Variants in GMDS observed in about 807,000 individuals in gnomAD.
GMDS encodes GDP-mannose 4,6-dehydratase, also known as GDP-mannose 4,6 dehydratase.
Under a neutral mutation model 49.9 loss-of-function variants are expected in GMDS, and 20 were observed. The ratio of observed to expected loss-of-function variants is 0.40; its 90% CI spans 0.28 to 0.58. GMDS has a LOEUF of 0.58. GMDS is among the 20% of genes least tolerant of loss of function. GMDS has a pLI of 0.42. For synonymous variants in GMDS, 177 were observed against 178.6 expected (o/e 0.99, Z 0.07); for missense variants, 362 against 481.4 (o/e 0.75, Z 2.32).
chr6:1,989,270 C>T (rs1765771275), intron 4 of GMDS, among the ~76,000 whole-genome samples: 1 of 152,096 alleles, frequency 6.6e-6, no homozygotes, highest in Admixed American at 6.5e-5. Context: ...TGGGCATACT[C>T]TTGGTGTGAG....
intron 3 of GMDS, among the ~76,000 whole-genome samples, chr6:2,116,468 C>T (rs1194152737): frequency 6.6e-6 from 1 of 152,198 alleles, no homozygotes; most frequent in Admixed American, 6.5e-5. Flanking sequence ...GATGTACTAA[C>T]TTGATCTTTT....
chr6:1,642,189 TAG>T (rs1763352470), intron 9 of GMDS, among the ~76,000 whole-genome samples: 1 of 121,564 alleles, frequency 8.2e-6, no homozygotes. Context: ...AAGAAAAAAA[TAG>T]AGTCTCACTC....
intron 1 of GMDS, among the ~76,000 whole-genome samples, chr6:2,206,010 G>C (rs1187833092): frequency 6.6e-6 from 1 of 152,096 alleles, no homozygotes; most frequent in Non-Finnish European, 1.5e-5. Context: ...TGTAATCTCA[G>C]CGCTTTGGGA....
chr6:1,654,386 G>A (rs1763806124), intron 9 of GMDS, among the ~76,000 whole-genome samples: 1 of 152,146 alleles, frequency 6.6e-6, no homozygotes, highest in Non-Finnish European at 1.5e-5. Context: ...TTAATGAATC[G>A]ACAGACTGTG....
intron 4 of GMDS, among the ~76,000 whole-genome samples, chr6:2,016,506 TG>T (rs1172096512): frequency 4.6e-5 from 7 of 152,196 alleles, no homozygotes; most frequent in African/African-American, 1.7e-4. Context: ...GAACTATTAT[TG>T]GATATTTCAA....
chr6:1,800,683 T>C (rs1769914830), intron 7 of GMDS, among the ~76,000 whole-genome samples: 1 of 151,966 alleles, frequency 6.6e-6, no homozygotes, highest in Non-Finnish European at 1.5e-5. Flanking sequence ...AGGCTGGTCT[T>C]GAACTCCTGA....
At chr6:2,183,996 C>A (rs1400333940) in intron 1 of GMDS, among the ~76,000 whole-genome samples, 1 of 152,080 alleles carries the variant, frequency 6.6e-6, no homozygotes, top group East Asian at 1.9e-4. Context: ...CTTATATATG[C>A]ATAAGTTATA....
At chr6:2,243,250 G>A (rs552804281) in intron 1 of GMDS, among the ~76,000 whole-genome samples, 1 of 152,192 alleles carries the variant, frequency 6.6e-6, no homozygotes, top group Non-Finnish European at 1.5e-5. Context: ...AGACTCCCAT[G>A]ACAGGCTGCA....
At chr6:2,182,830 C>T (rs528028001) in intron 1 of GMDS, among the ~76,000 whole-genome samples, 12 of 152,224 alleles carry the variant, frequency 7.9e-5, no homozygotes, top group East Asian at 1.9e-4. Flanking sequence ...CTCAGCTTCC[C>T]GAGTAACTGG....
rs1050006388 is a variant in GMDS at position 1,703,469 on chromosome 6, A to ACC, written c.987+22946_987+22947insGG. On this transcript the variant is annotated intron_variant, in intron 9 of 10. Coordinates refer to ENST00000380815, the MANE Select transcript of GMDS (RefSeq NM_001500.4). ...CAGCTAGTTAGAGACTTGCATTCAA[A>ACC]AGAAAAAAAAAAAACTTAAAGTTGC... Among the ~76,000 whole-genome samples the ACC allele has an allele frequency of 5.5e-5, 8 of 146,600 alleles. No homozygotes were observed. In the South Asian group the frequency reaches 1.7e-3, roughly 31 times the overall value.
At chr6:1,885,816 T>G (rs1279861503) in intron 7 of GMDS, among the ~76,000 whole-genome samples, 3 of 152,214 alleles carry the variant, frequency 2.0e-5, no homozygotes, top group Non-Finnish European at 4.4e-5. Context: ...GATACCATGC[T>G]GCATCCAGCC....
chr6:2,007,391 C>T (rs1232600519), intron 4 of GMDS, among the ~76,000 whole-genome samples: 1 of 152,176 alleles, frequency 6.6e-6, no homozygotes, highest in Non-Finnish European at 1.5e-5. Flanking sequence ...ACATGCCACT[C>T]TTTCACAATT....
Position 2,128,570 on chromosome 6 carries a change from T to C in GMDS, c.103-3839A>G, listed in dbSNP as rs188751215. On this transcript the variant is annotated intron_variant, in intron 1 of 10. Coordinates refer to ENST00000380815, the MANE Select transcript of GMDS (RefSeq NM_001500.4). ...CCAACTTTTCTAATATCACACTAGT[T>C]ACAGACAAAGCCAGGACTAGAATCC... 1.6e-4 allele frequency among the ~76,000 whole-genome samples: 25 copies of C among 152,244 alleles called. 1 individual carries two copies. Among genetic ancestry groups the C allele is most frequent in the Admixed American group, 1.3e-3 (20 of 15,288 alleles).
At chr6:2,094,155 G>C (rs1457856107) in intron 4 of GMDS, among the ~76,000 whole-genome samples, 1 of 152,212 alleles carries the variant, frequency 6.6e-6, no homozygotes, top group Non-Finnish European at 1.5e-5. Context: ...TCACAAGACT[G>C]TCCTGTGCAC....
intron 9 of GMDS, among the ~76,000 whole-genome samples, chr6:1,677,387 G>A (rs1384684288): frequency 6.6e-6 from 1 of 152,172 alleles, no homozygotes; most frequent in Non-Finnish European, 1.5e-5. Context: ...AGACAGTGTG[G>A]CGATTCCTCA....
At chr6:2,097,076 A>G (rs1307391438) in intron 4 of GMDS, among the ~76,000 whole-genome samples, 2 of 152,104 alleles carry the variant, frequency 1.3e-5, no homozygotes, top group Non-Finnish European at 2.9e-5. Context: ...GTACAAAAAT[A>G]TAAAGAAAAT....
Position 1,977,707 on chromosome 6 carries a change from T to A in GMDS, c.346-16741A>T, listed in dbSNP as rs73427440. Among the ~76,000 whole-genome samples, 1,002 of 152,230 alleles carry A rather than the reference T, an allele frequency of 6.6e-3. 8 individuals are homozygous for A. The highest frequency in any genetic ancestry group is 0.023 in the African/African-American group (947 of 41,542). On this transcript the variant is annotated intron_variant, in intron 4 of 10. Transcript: ENST00000380815. ...AGCCAAGGGAAGTGATGAGTGATTG[T>A]GTGACACTGGGAAAGCATGCTTCTC...
At chr6:1,751,262 C>T (rs1426969356) in intron 7 of GMDS, among the ~76,000 whole-genome samples, 3 of 152,194 alleles carry the variant, frequency 2.0e-5, no homozygotes, top group Non-Finnish European at 2.9e-5. Flanking sequence ...CCCTGACCCC[C>T]GTGCCTCCTG....
intron 7 of GMDS, among the ~76,000 whole-genome samples, chr6:1,771,872 A>C (rs1012471751): frequency 6.6e-6 from 1 of 152,222 alleles, no homozygotes; most frequent in Admixed American, 6.5e-5. Flanking sequence ...CAAGAAGGGG[A>C]AGAAGAGAAG....
Sources: allele counts gnomAD v4.1 joint callset (sites outside exome capture counted in the v4.1 genomes callset), GRCh38; gene constraint gnomAD v4.1.1; transcripts MANE v1.5; gene names NCBI Gene and HGNC (gene_info 2026-07-23, HGNC 2026-07-21).